The following CTDP1 variants were observed in gnomAD, a reference collection of about 807,000 sequenced individuals.
CTDP1 encodes CTD phosphatase 1.
A neutral mutation model predicts 91.8 loss-of-function variants in CTDP1; 47 were observed. The ratio of observed to expected loss-of-function variants is 0.51; its 90% CI spans 0.41 to 0.65. The LOEUF (loss-of-function observed/expected upper bound fraction) is 0.65. Among genes scored for constraint, CTDP1 ranks in the 30% least tolerant of loss-of-function variants. CTDP1 has a pLI of 0.00. For missense variants in CTDP1, 1,272 were observed against 1,373.7 expected (o/e 0.93, Z 1.17); for synonymous variants, 656 against 598.5 (o/e 1.10, Z -1.40).
At chr18:79,730,480 A>G (rs1044677636) in intron 11 of CTDP1, among the ~76,000 whole-genome samples, 3 of 152,258 alleles carry the variant, frequency 2.0e-5, no homozygotes, top group African/African-American at 7.2e-5. Context: ...TGAATTCTCA[A>G]TGGGAGACAG....
In CTDP1 at chr18:79,754,128, T is replaced by G. The variant is rs566070768; in HGVS notation, c.*338T>G. ...CCCTTGTGTACCAGAGCACATTCCT[T>G]AGGGGACGGCTTTGGGGGTCCCACG... On this transcript the variant is annotated 3_prime_UTR_variant, in exon 13 of 13. Transcript: ENST00000613122. 1 of 381,180 alleles carries G rather than the reference T, an allele frequency of 2.6e-6. No homozygotes were observed. The highest frequency in any genetic ancestry group is 5.0e-6 in the Non-Finnish European group (1 of 198,944). The allele number at this position is 381,180 out of a possible 1,614,324, so 23.6% of individuals were successfully genotyped here.
At chr18:79,688,506 C>T (rs1205762067) in intron 1 of CTDP1, among the ~76,000 whole-genome samples, 1 of 152,106 alleles carries the variant, frequency 6.6e-6, no homozygotes, top group Non-Finnish European at 1.5e-5. Context: ...CTCAGGTGAT[C>T]CACCTGCCTC....
chr18:79,704,929 C>T lies in CTDP1; in HGVS notation c.772+12C>T, dbSNP rs753323992. ...ACACACCATCGCAGGTCAGTCAAGC[C>T]GCAGCCGAAGAGGCCGTGTGAACAG... On this transcript the variant is annotated intron_variant, in intron 5 of 12. Transcript: ENST00000613122. 9.9e-6 allele frequency: 16 copies of T among 1,612,808 alleles called. No homozygotes were observed. The highest frequency in any genetic ancestry group is 6.7e-5 in the East Asian group (3 of 44,902).
chr18:79,741,544 A>G (rs2086778322), intron 12 of CTDP1, among the ~76,000 whole-genome samples: 1 of 152,142 alleles, frequency 6.6e-6, no homozygotes, highest in African/African-American at 2.4e-5. Context: ...GTACTTGGAG[A>G]TTTTAGTCCT....
chr18:79,746,804 A>G (rs1371173449), intron 12 of CTDP1, among the ~76,000 whole-genome samples: 2 of 152,084 alleles, frequency 1.3e-5, no homozygotes, highest in Non-Finnish European at 2.9e-5. Context: ...ATTTTTTTGT[A>G]GAGATGGGGA....
At chr18:79,748,881 C>T (rs908433959) in intron 12 of CTDP1, among the ~76,000 whole-genome samples, 28 of 78,598 alleles carry the variant, frequency 3.6e-4, no homozygotes, top group African/African-American at 6.8e-4. Context: ...GTGTGTTTGC[C>T]GTGTCTGTGT....
In CTDP1 at chr18:79,753,922, C is replaced by T; in HGVS notation, c.*132C>T. The T allele has an allele frequency of 1.6e-6, 2 of 1,219,508 alleles. No individual in the cohort carries two copies. The highest frequency in any genetic ancestry group is 2.3e-6 in the Non-Finnish European group (2 of 868,148). 75.5% of individuals were successfully genotyped at this position (1,219,508 alleles called of 1,614,324 possible). ...ATGTATATTTGCAGAGCTCCACATA[C>T]AGAAACACATTATTTTGCAGAAATA... is the stretch of plus-strand genomic sequence containing the variant. On this transcript the variant is annotated 3_prime_UTR_variant, in exon 13 of 13. Transcript: ENST00000613122.
intron 1 of CTDP1, among the ~76,000 whole-genome samples, chr18:79,689,815 C>A (rs1260536315): frequency 6.6e-6 from 1 of 152,022 alleles, no homozygotes; most frequent in African/African-American, 2.4e-5. Context: ...AGTGTAGGCT[C>A]ATGGTTTCTT....
rs1477439573 is a variant in CTDP1 at position 79,712,834 on chromosome 18, G to GGC, written c.864-136_864-135dup. On this transcript the variant is annotated intron_variant, in intron 6 of 12. Coordinates refer to ENST00000613122, the MANE Select transcript of CTDP1 (RefSeq NM_004715.5). ...GCGACCCAAACAGAAAGGGCTTCGG[G>GGC]GCGGTTGGTGTCCGTCTGATTAACC... The GGC allele has an allele frequency of 6.0e-6, 5 of 828,976 alleles. No homozygotes were observed. In the East Asian group the frequency reaches 1.1e-4, roughly 18 times the overall value. The allele number at this position is 828,976 out of a possible 1,614,324, so 51.4% of individuals were successfully genotyped here. A position where few individuals can be genotyped will look rare whatever the true frequency, so the allele number is the denominator to read the frequency against.
At chr18:79,739,273 C>T (rs1319239342) in intron 12 of CTDP1, among the ~76,000 whole-genome samples, 1 of 152,210 alleles carries the variant, frequency 6.6e-6, no homozygotes, top group African/African-American at 2.4e-5. Flanking sequence ...CGGCCAGCCA[C>T]GTCATCCAGG....
At chr18:79,676,944 T>G (rs1599165793), upstream of CTDP1, among the ~76,000 whole-genome samples, 7 of 152,366 alleles carry the variant, frequency 4.6e-5, 2 homozygotes, top group Admixed American at 4.6e-4. Context: ...ATTGGAAGAC[T>G]ACATGGCATC....
At chr18:79,710,686 ATTTTTTTTTTTTTTTTT>A (rs11306504) in intron 6 of CTDP1, among the ~76,000 whole-genome samples, 11 of 88,504 alleles carry the variant, frequency 1.2e-4, no homozygotes, top group South Asian at 4.5e-4. Flanking sequence ...TCGCCCGGCA[ATTTTTTTTTTTTTTTTT>A]TTTTTTTTTT....
chr18:79,717,335 C>T lies in CTDP1; in HGVS notation c.2069-200C>T, dbSNP rs183826684. 3.0e-3 allele frequency among the ~76,000 whole-genome samples: 446 copies of T among 151,064 alleles called. 1 individual carries two copies. The highest frequency in any genetic ancestry group is 1.0e-2 in the African/African-American group (409 of 41,050). On this transcript the variant is annotated intron_variant, in intron 8 of 12. Transcript: ENST00000613122. ...GGTGGGGTGCAGCCGGGTGAGGGCC[C>T]TGGTGGGGTACAGCTGGGTGAGGGC... is the stretch of plus-strand genomic sequence containing the variant.
At chr18:79,705,039 G>A in intron 5 of CTDP1, 122 bp downstream of exon 5, 2 of 1,479,678 alleles carry the variant, frequency 1.4e-6, no homozygotes, top group East Asian at 2.4e-5. Flanking sequence ...GTAGTCTTAG[G>A]GTTGGCCGTT....
In CTDP1 at chr18:79,714,846, T is replaced by G. The variant is rs577869712; in HGVS notation, c.1386T>G (p.Ser462Arg). 1.3e-6 allele frequency: 2 copies of G among 1,593,978 alleles called. No individual in the cohort carries two copies. Among genetic ancestry groups the G allele is most frequent in the Non-Finnish European group, 1.7e-6 (2 of 1,171,438 alleles). Residue 462 changes from serine (S) to arginine (R), a missense_variant, in exon 8 of 13, where the codon AGT becomes AGG. This residue lies in a region of CTDP1 where 881 missense variants were observed against 911.6 expected (regional missense o/e 0.97). Coordinates refer to ENST00000613122, the MANE Select transcript of CTDP1 (RefSeq NM_004715.5). The part of the protein sequence containing the change: ...FDLSSDSESS[S>R]ESEGTKSSSS... ...TATCCAGCGACAGCGAGAGCAGCAG[T>G]GAGTCCGAGGGCACGAAGTCCTCCT...
chr18:79,700,893 T>C (rs1323677067), intron 4 of CTDP1, among the ~76,000 whole-genome samples: 2 of 152,186 alleles, frequency 1.3e-5, no homozygotes, highest in Non-Finnish European at 2.9e-5. Context: ...TCATTTGCCA[T>C]TCTGAAAATC....
At position 79,715,027 on chromosome 18, in the gene CTDP1, GC is replaced by G; in HGVS notation, c.1571del (p.Pro524ArgfsTer116). 1 of 1,603,646 alleles carries G rather than the reference GC, an allele frequency of 6.2e-7. No homozygotes were observed. On this transcript the variant is annotated frameshift_variant, in exon 8 of 13. Coordinates refer to ENST00000613122, the MANE Select transcript of CTDP1 (RefSeq NM_004715.5). LOFTEE classifies it high-confidence loss of function. ...CGGAGAGGCCGAGCCTGGCGCGCAT[GC>G]CCCGGACAAGGAGCCTGAGCTGGGT... Reference protein sequence around the residue: ...LPGEAEPGAHAPDKEPELGGQ... With the variant: ...LPGEAEPGAHXPDKEPELGGQ...
chr18:79,743,970 C>T (rs1391414859), intron 12 of CTDP1, among the ~76,000 whole-genome samples: 1 of 152,120 alleles, frequency 6.6e-6, no homozygotes, highest in Non-Finnish European at 1.5e-5. Flanking sequence ...ACCCTCCGCT[C>T]ACTGAGACAG....
chr18:79,678,878 T>TA (rs779177603), upstream of CTDP1: 22 of 175,746 alleles, frequency 1.3e-4, no homozygotes, highest in East Asian at 2.2e-3. Flanking sequence ...AGGGTCTTGC[T>TA]ACGTTGCGCA....
Sources: allele counts gnomAD v4.1 joint callset (sites outside exome capture counted in the v4.1 genomes callset), GRCh38; gene constraint gnomAD v4.1.1; regional missense constraint gnomAD v4.1.1; transcripts MANE v1.5; gene names NCBI Gene and HGNC (gene_info 2026-07-23, HGNC 2026-07-21).